MEGF11: variants seen among roughly 807,000 people sequenced by gnomAD.
The protein encoded by MEGF11 is multiple EGF like domains 11, also known as multiple epidermal growth factor-like domains protein 11.
A neutral mutation model predicts 146.6 loss-of-function variants in MEGF11; 126 were observed. The ratio of observed to expected loss-of-function variants is 0.86; its 90% CI spans 0.74 to 1.00. The LOEUF (loss-of-function observed/expected upper bound fraction) is 1.00, where lower values mean the gene tolerates loss of function less well. Ranked by LOEUF, MEGF11 falls within the 50% of genes least tolerant of loss-of-function variation. The pLI, the probability that MEGF11 is intolerant of heterozygous loss-of-function variation, is 0.00. For missense variants in MEGF11, 1,509 were observed against 1,521.2 expected (o/e 0.99, Z 0.13); for synonymous variants, 532 against 583.4 (o/e 0.91, Z 1.27).
chr15:66,149,116 ATCCTTTCTGGCCCCTCATCT>A (rs2089474136), intron 1 of MEGF11, among the ~76,000 whole-genome samples: 1 of 152,030 alleles, frequency 6.6e-6, no homozygotes, highest in African/African-American at 2.4e-5. Context: ...CCACTCAATG[ATCCTTTCTGGCCCCTCATCT>A]TCCTTTCCTG....
At chr15:66,228,096 G>T (rs956907634) in intron 1 of MEGF11, among the ~76,000 whole-genome samples, 1 of 152,168 alleles carries the variant, frequency 6.6e-6, no homozygotes, top group African/African-American at 2.4e-5. Flanking sequence ...AAATGAGGGG[G>T]TGGAAAGGTC....
At chr15:66,082,580 G>T (rs1171691445) in intron 5 of MEGF11, among the ~76,000 whole-genome samples, 1 of 137,814 alleles carries the variant, frequency 7.3e-6, no homozygotes, top group South Asian at 2.4e-4. Flanking sequence ...AGCTGAAGAA[G>T]AATTGCTTGA....
intron 9 of MEGF11, among the ~76,000 whole-genome samples, chr15:65,964,047 C>G (rs2080967269): frequency 6.6e-6 from 1 of 152,202 alleles, no homozygotes; most frequent in Non-Finnish European, 1.5e-5. Flanking sequence ...AGAAGGGATG[C>G]TCCCCTGACC....
At chr15:66,094,564 C>A in intron 4 of MEGF11, 70 bp from the exon 5 acceptor site, 1 of 1,357,468 alleles carries the variant, frequency 7.4e-7, no homozygotes, top group Non-Finnish European at 1.0e-6. Context: ...GGTCAAGGAG[C>A]ATAATCCATT....
At chr15:66,040,139 A>G (rs1490306250) in intron 5 of MEGF11, 1 of 155,018 alleles carries the variant, frequency 6.5e-6, no homozygotes, top group African/African-American at 2.4e-5. Context: ...CAGAGGGCTT[A>G]CTGTCCAACA....
chr15:66,106,323 A>G lies in MEGF11; in HGVS notation c.302-11829T>C, dbSNP rs2087078528. On this transcript the variant is annotated intron_variant, in intron 4 of 25. Transcript: ENST00000395614. ...TTTCATGGACAGACATGTAATATAC[A>G]CATACAGCAAGTAATACATGCAGAA... is the stretch of plus-strand genomic sequence containing the variant. Among the ~76,000 whole-genome samples the G allele has an allele frequency of 3.3e-5, 5 of 152,310 alleles. No homozygotes were observed. In the East Asian group the frequency reaches 9.6e-4, roughly 29 times the overall value.
At chr15:66,107,054 A>ACCCCCCC (rs35937464) in intron 4 of MEGF11, among the ~76,000 whole-genome samples, 40 of 132,494 alleles carry the variant, frequency 3.0e-4, no homozygotes, top group African/African-American at 9.0e-4. Context: ...TTATATTCCT[A>ACCCCCCC]CCCCCCCACC....
chr15:66,115,231 G>A (rs1400562260), intron 4 of MEGF11, among the ~76,000 whole-genome samples: 1 of 152,214 alleles, frequency 6.6e-6, no homozygotes, highest in East Asian at 1.9e-4. Flanking sequence ...GAAGTTGGAG[G>A]TTCTCTGGCC....
At chr15:66,021,274 C>T (rs1310738411) in intron 5 of MEGF11, among the ~76,000 whole-genome samples, 4 of 152,168 alleles carry the variant, frequency 2.6e-5, no homozygotes, top group Non-Finnish European at 4.4e-5. Flanking sequence ...GTCAGGAAGC[C>T]ATGGGCAGGC....
chr15:66,249,291 C>G (rs2092338656), intron 1 of MEGF11, among the ~76,000 whole-genome samples: 1 of 152,054 alleles, frequency 6.6e-6, no homozygotes, highest in African/African-American at 2.4e-5. Flanking sequence ...AAACACAGTC[C>G]CATTAGCAGG....
rs143383073 is a variant in MEGF11, at chr15:65,979,578, A to G, written c.762+1200T>C. On this transcript the variant is annotated intron_variant, in intron 7 of 25. Coordinates refer to ENST00000395614, the MANE Select transcript of MEGF11 (RefSeq NM_001385028.1). ...AGCGTGTTACTGGAGAGTCAGAGGC[A>G]GGGACGCAGCCCAGGAAGGTCAGCT... Among the ~76,000 whole-genome samples the G allele has an allele frequency of 8.5e-3, 1,289 of 152,294 alleles. 21 individuals are homozygous for G. Among genetic ancestry groups the G allele is most frequent in the African/African-American group, 0.029 (1,211 of 41,552 alleles).
At chr15:65,929,493 T>C (rs1441765838) in intron 12 of MEGF11, among the ~76,000 whole-genome samples, 1 of 152,194 alleles carries the variant, frequency 6.6e-6, no homozygotes, top group Non-Finnish European at 1.5e-5. Flanking sequence ...AGTGATGCCA[T>C]GTCACCACAT....
At chr15:66,093,415 AGTCAGGTATGG>A (rs1178721624) in intron 5 of MEGF11, among the ~76,000 whole-genome samples, 1 of 152,216 alleles carries the variant, frequency 6.6e-6, no homozygotes, top group Non-Finnish European at 1.5e-5. Context: ...TGACTATGGT[AGTCAGGTATGG>A]GATGGGGAAC....
intron 1 of MEGF11, among the ~76,000 whole-genome samples, chr15:66,191,614 G>A (rs934079942): frequency 6.6e-6 from 1 of 152,178 alleles, no homozygotes; most frequent in African/African-American, 2.4e-5. Context: ...GGGCACAGGA[G>A]CGATGAGGGG....
intron 1 of MEGF11, among the ~76,000 whole-genome samples, chr15:66,194,139 G>A (rs968161837): frequency 1.3e-5 from 2 of 152,130 alleles, no homozygotes; most frequent in African/African-American, 4.8e-5. Context: ...AGAAAATGTG[G>A]TATACATACC....
chr15:66,023,156 C>CA lies in MEGF11; in HGVS notation c.395-40669dup, dbSNP rs762802460. ...ACTCCATCTCAAAAAAAAAAAAAAA[C>CA]AAACTTGTTTGAAGCTCTAGGTCCC... On this transcript the variant is annotated intron_variant, in intron 5 of 25. Transcript: ENST00000395614. Among the ~76,000 whole-genome samples the CA allele has an allele frequency of 3.7e-3, 223 of 60,602 alleles. 3 individuals are homozygous for CA. Among genetic ancestry groups the CA allele is most frequent in the South Asian group, 6.4e-3 (12 of 1,886 alleles). 39.8% of individuals were successfully genotyped at this position (60,602 alleles called of 152,430 possible). A position where few individuals can be genotyped will look rare whatever the true frequency, so the allele number is the denominator to read the frequency against.
intron 24 of MEGF11, among the ~76,000 whole-genome samples, chr15:65,903,516 T>C (rs2078545974): frequency 6.6e-6 from 1 of 152,180 alleles, no homozygotes; most frequent in African/African-American, 2.4e-5. Flanking sequence ...AGAGATGCTG[T>C]TAGTACAGCC....
intron 1 of MEGF11, among the ~76,000 whole-genome samples, chr15:66,232,779 C>T (rs1475234848): frequency 6.6e-6 from 1 of 152,180 alleles, no homozygotes; most frequent in Non-Finnish European, 1.5e-5. Context: ...GTGTGCCAGG[C>T]CCTGTGCCAG....
intron 1 of MEGF11, among the ~76,000 whole-genome samples, chr15:66,228,364 C>G (rs556970909): frequency 2.0e-5 from 3 of 151,982 alleles, no homozygotes; most frequent in Non-Finnish European, 2.9e-5. Context: ...ACAGCCAGAC[C>G]TGCTCTTCCT....
Sources: allele counts gnomAD v4.1 joint callset (sites outside exome capture counted in the v4.1 genomes callset), GRCh38; gene constraint gnomAD v4.1.1; transcripts MANE v1.5; gene names NCBI Gene and HGNC (gene_info 2026-07-23, HGNC 2026-07-21).